Variants in EHBP1 observed in about 807,000 individuals in gnomAD.
The protein encoded by EHBP1 is EH domain-binding protein 1.
Under a neutral mutation model 144.0 loss-of-function variants are expected in EHBP1, and 55 were observed. That is an observed-to-expected ratio of 0.38 (90% CI 0.31 to 0.48). The LOEUF is 0.48. Ranked by LOEUF, EHBP1 falls within the 20% of genes least tolerant of loss-of-function variation. The probability of loss-of-function intolerance (pLI) is 0.98; values close to 1 mark genes in which losing one functional copy is unlikely to be tolerated. For synonymous variants in EHBP1, 469 were observed against 472.7 expected (o/e 0.99, Z 0.10); for missense variants, 1,200 against 1,364.2 (o/e 0.88, Z 1.90).
chr2:63,045,263 G>A lies in EHBP1; in HGVS notation c.3392+83G>A. The A allele has an allele frequency of 6.9e-7, 1 of 1,439,086 alleles. No homozygotes were observed. Among genetic ancestry groups the A allele is most frequent in the Non-Finnish European group, 9.6e-7 (1 of 1,046,834 alleles). The allele number at this position is 1,439,086 out of a possible 1,614,324, so 89.1% of individuals were successfully genotyped here. A position where few individuals can be genotyped will look rare whatever the true frequency, so the allele number is the denominator to read the frequency against. On this transcript the variant is annotated intron_variant, in intron 22 of 22. Transcript: ENST00000431489. This position sits in a 1 kb window ranked among gnomAD's most constrained non-coding sequence, Gnocchi z 5.7. ...GTGCGGAAAGTTCAATCCAGAGGTC[G>A]CGGGAGGGCCGGGGCAGCCTCCCAC...
intron 19 of EHBP1, among the ~76,000 whole-genome samples, chr2:63,012,263 C>T (rs1477589588): frequency 6.6e-6 from 1 of 151,816 alleles, no homozygotes; most frequent in African/African-American, 2.4e-5. Context: ...ATGATATAAC[C>T]AAATGCTACT....
chr2:62,749,980 T>C (rs2152196521), intron 3 of EHBP1, among the ~76,000 whole-genome samples: 1 of 152,328 alleles, frequency 6.6e-6, no homozygotes, highest in Middle Eastern at 3.4e-3. Context: ...AGAAGCTCTT[T>C]AGTTTAATTA....
At chr2:62,895,278 TATCATCATC>T (rs10700628) in intron 10 of EHBP1, among the ~76,000 whole-genome samples, 78 of 149,802 alleles carry the variant, frequency 5.2e-4, no homozygotes, top group African/African-American at 1.1e-3. Context: ...ATGTAAATTC[TATCATCATC>T]ATCATCATCA....
At chr2:62,789,180 G>A (rs2043013097) in intron 5 of EHBP1, among the ~76,000 whole-genome samples, 1 of 152,154 alleles carries the variant, frequency 6.6e-6, no homozygotes, top group Non-Finnish European at 1.5e-5. Context: ...ATTAATAAGA[G>A]TGCTCTGTGA....
intron 2 of EHBP1, among the ~76,000 whole-genome samples, chr2:62,716,468 C>T (rs999189921): frequency 2.6e-5 from 4 of 152,166 alleles, no homozygotes; most frequent in Non-Finnish European, 5.9e-5. Context: ...CAAAGCTGTG[C>T]TACTGAGTCC....
intron 1 of EHBP1, among the ~76,000 whole-genome samples, chr2:62,684,371 C>A (rs2033646248): frequency 6.6e-6 from 1 of 152,140 alleles, no homozygotes; most frequent in Non-Finnish European, 1.5e-5. Context: ...TACTAGAACA[C>A]TGCTTCTGCT....
chr2:62,839,501 A>T (rs1472835182), intron 7 of EHBP1, among the ~76,000 whole-genome samples: 5 of 148,460 alleles, frequency 3.4e-5, no homozygotes, highest in African/African-American at 7.5e-5. Context: ...GGGCAATTAG[A>T]CAGGAGAAGG....
chr2:62,797,812 C>A (rs545714057), intron 5 of EHBP1, among the ~76,000 whole-genome samples: 1 of 152,302 alleles, frequency 6.6e-6, no homozygotes, highest in Non-Finnish European at 1.5e-5. Context: ...TTTAAACTTT[C>A]TGGGTCTAAG....
At chr2:63,031,605 C>T (rs1415431421) in intron 19 of EHBP1, among the ~76,000 whole-genome samples, 1 of 152,000 alleles carries the variant, frequency 6.6e-6, no homozygotes, top group Non-Finnish European at 1.5e-5. Context: ...GTTATGGATG[C>T]ATCATCATCC....
chr2:62,684,363 C>T (rs754594168), intron 1 of EHBP1, among the ~76,000 whole-genome samples: 11 of 152,254 alleles, frequency 7.2e-5, no homozygotes, highest in Non-Finnish European at 1.2e-4. Flanking sequence ...AGGAGAGATA[C>T]TAGAACACTG....
At chr2:62,910,787 T>A (rs2054156466) in intron 10 of EHBP1, among the ~76,000 whole-genome samples, 1 of 152,202 alleles carries the variant, frequency 6.6e-6, no homozygotes, top group East Asian at 1.9e-4. Context: ...CCTGCCCTAA[T>A]ATTTTGATGG....
chr2:62,864,722 A>G lies in EHBP1; in HGVS notation c.758-9A>G. The G allele has an allele frequency of 6.3e-7, 1 of 1,598,138 alleles. No individual in the cohort carries two copies. Among genetic ancestry groups the G allele is most frequent in the South Asian group, 1.1e-5 (1 of 87,646 alleles). ...CATGTGATTTAATTCATCTGCTATTATTTTATAGAACCTATCACTGAAACA... is the reference window on the plus strand; with the variant it reads ...CATGTGATTTAATTCATCTGCTATTGTTTTATAGAACCTATCACTGAAACA... On this transcript the variant is annotated splice_polypyrimidine_tract_variant and intron_variant, in intron 8 of 22. Coordinates refer to ENST00000431489, the MANE Select transcript of EHBP1 (RefSeq NM_001142616.3).
At chr2:62,934,021 T>C (rs550715476) in intron 10 of EHBP1, among the ~76,000 whole-genome samples, 1 of 152,358 alleles carries the variant, frequency 6.6e-6, no homozygotes, top group East Asian at 1.9e-4. Context: ...AATTTTAAAG[T>C]GCTGCTGTGA....
intron 19 of EHBP1, among the ~76,000 whole-genome samples, chr2:63,023,808 T>G (rs1038124827): frequency 6.6e-6 from 1 of 152,224 alleles, no homozygotes; most frequent in Non-Finnish European, 1.5e-5. Flanking sequence ...TAAGGAAAGT[T>G]AAAGATACAA....
intron 1 of EHBP1, among the ~76,000 whole-genome samples, chr2:62,677,551 TCA>T (rs1384010054): frequency 6.6e-6 from 1 of 152,202 alleles, no homozygotes; most frequent in African/African-American, 2.4e-5. Context: ...TTTACTATAG[TCA>T]CACTGTTATG....
At chr2:62,844,497 A>G (rs938366735) in intron 7 of EHBP1, among the ~76,000 whole-genome samples, 5 of 152,158 alleles carry the variant, frequency 3.3e-5, no homozygotes, top group African/African-American at 1.2e-4. Flanking sequence ...CTTTTAATAG[A>G]AAGCTTGCTG....
intron 2 of EHBP1, among the ~76,000 whole-genome samples, chr2:62,718,501 C>T (rs2151906621): frequency 6.6e-6 from 1 of 152,302 alleles, no homozygotes; most frequent in Non-Finnish European, 1.5e-5. Flanking sequence ...GCCAGTGCTT[C>T]CCAAACTGAC....
At chr2:62,767,810 T>A (rs534021640) in intron 4 of EHBP1, among the ~76,000 whole-genome samples, 5,594 of 135,962 alleles carry the variant, frequency 0.041, 178 homozygotes, top group Non-Finnish European at 0.06. Context: ...CACTGCAGCC[T>A]GGACAGCAGA....
chr2:62,773,164 CAAAACAAAGG>C (rs1019296350), intron 5 of EHBP1, among the ~76,000 whole-genome samples: 1 of 152,092 alleles, frequency 6.6e-6, no homozygotes, highest in African/African-American at 2.4e-5. Flanking sequence ...ACGAGACAAA[CAAAACAAAGG>C]AAGTGCTATA....
Sources: allele counts gnomAD v4.1 joint callset (sites outside exome capture counted in the v4.1 genomes callset), GRCh38; gene constraint gnomAD v4.1.1; non-coding constraint Gnocchi (gnomAD v3.1); transcripts MANE v1.5; gene names NCBI Gene and HGNC (gene_info 2026-07-23, HGNC 2026-07-21).